The following PRKCH variants were observed in gnomAD, a reference collection of about 807,000 sequenced individuals.
The protein encoded by PRKCH is protein kinase C eta.
Under a neutral mutation model 82.5 loss-of-function variants are expected in PRKCH, and 28 were observed. The ratio of observed to expected loss-of-function variants is 0.34; its 90% CI spans 0.25 to 0.47. PRKCH has a LOEUF of 0.47. Among genes scored for constraint, PRKCH ranks in the 20% least tolerant of loss-of-function variants. The probability of loss-of-function intolerance (pLI) is 1.00; values close to 1 mark genes in which losing one functional copy is unlikely to be tolerated. For synonymous variants in PRKCH, 322 were observed against 327.4 expected, an observed-to-expected ratio of 0.98 and a Z score of 0.18; for missense variants, 705 against 881.8, an observed-to-expected ratio of 0.80 and a Z score of 2.54.
chr14:61,424,566 G>A lies in PRKCH; in HGVS notation c.428-18545G>A, dbSNP rs183385538. ...TCTGTGGAACTTTGAACTTGAGAGA[G>A]ATGATCTGAAATTGGAACTTATTTA... On this transcript the variant is annotated intron_variant, in intron 2 of 13. Transcript: ENST00000332981. Among the ~76,000 whole-genome samples the A allele has an allele frequency of 2.0e-4, 30 of 152,308 alleles. 1 individual carries two copies. The East Asian group carries it at 4.4e-3, about 23-fold the overall frequency.
chr14:61,234,209 A>T (rs1283829883), intron 1 of PRKCH, among the ~76,000 whole-genome samples: 2 of 152,184 alleles, frequency 1.3e-5, no homozygotes, highest in South Asian at 4.1e-4. Flanking sequence ...GGTCTTTAGA[A>T]ATTTTGACAT....
intron 4 of PRKCH, among the ~76,000 whole-genome samples, chr14:61,447,538 G>T (rs1335641135): frequency 6.6e-6 from 1 of 152,040 alleles, no homozygotes; most frequent in Non-Finnish European, 1.5e-5. Flanking sequence ...ACCACATTCT[G>T]GGCCATAAAA....
intron 1 of PRKCH, among the ~76,000 whole-genome samples, chr14:61,356,738 G>A (rs2046155706): frequency 3.9e-5 from 6 of 152,162 alleles, no homozygotes; most frequent in Admixed American, 3.9e-4. Flanking sequence ...CTGGAGTGTG[G>A]TGGCATGATC....
chr14:61,339,194 GC>G (rs1184994506), intron 1 of PRKCH, among the ~76,000 whole-genome samples: 2 of 151,894 alleles, frequency 1.3e-5, no homozygotes, highest in Non-Finnish European at 1.5e-5. Flanking sequence ...CTTGGGATGA[GC>G]TGGCCTCCTG....
At chr14:61,355,128 T>C (rs2046131642) in intron 1 of PRKCH, among the ~76,000 whole-genome samples, 1 of 152,210 alleles carries the variant, frequency 6.6e-6, no homozygotes, top group African/African-American at 2.4e-5. Context: ...TCCTTTACAG[T>C]GAATCCCTTG....
intron 1 of PRKCH, chr14:61,306,157 G>A (rs1043711971): frequency 1.3e-5 from 2 of 152,208 alleles, no homozygotes; most frequent in African/African-American, 4.8e-5. Context: ...TCAATTGAAT[G>A]GATGAGGTGC....
intron 10 of PRKCH, among the ~76,000 whole-genome samples, chr14:61,523,933 G>C (rs2042935419): frequency 6.6e-6 from 1 of 152,264 alleles, no homozygotes; most frequent in South Asian, 2.1e-4. Flanking sequence ...GAGGGAGCAT[G>C]TTTGGACGTG....
intron 1 of PRKCH, among the ~76,000 whole-genome samples, chr14:61,275,069 C>T (rs1224968812): frequency 6.6e-6 from 1 of 152,122 alleles, no homozygotes; most frequent in East Asian, 1.9e-4. Flanking sequence ...TGTTTCCTTT[C>T]CCATTTTGGA....
intron 10 of PRKCH, among the ~76,000 whole-genome samples, chr14:61,505,804 A>G (rs1887123783): frequency 6.6e-6 from 1 of 152,098 alleles, no homozygotes. Flanking sequence ...AATTTTGGGG[A>G]TACATAAACA....
intron 1 of PRKCH, among the ~76,000 whole-genome samples, chr14:61,262,162 A>G (rs1290472870): frequency 6.7e-6 from 1 of 148,408 alleles, no homozygotes; most frequent in Non-Finnish European, 1.5e-5. Context: ...TGGAGGTTGC[A>G]GTGAGCCAAG....
intron 2 of PRKCH, among the ~76,000 whole-genome samples, chr14:61,405,078 A>G (rs1344332251): frequency 1.3e-5 from 2 of 152,178 alleles, no homozygotes; most frequent in Non-Finnish European, 2.9e-5. Context: ...TCTATTTATG[A>G]CTTGATGTAT....
At chr14:61,219,015 G>A (rs958648943) in intron 1 of PRKCH, among the ~76,000 whole-genome samples, 2 of 152,222 alleles carry the variant, frequency 1.3e-5, no homozygotes, top group African/African-American at 4.8e-5. Context: ...AGGGGCAATG[G>A]GAGGCTTCCT....
chr14:61,428,633 G>A (rs1234736303), intron 2 of PRKCH, among the ~76,000 whole-genome samples: 1 of 152,118 alleles, frequency 6.6e-6, no homozygotes, highest in Non-Finnish European at 1.5e-5. Context: ...GTGGTTTGTT[G>A]TAGGACCTTA....
chr14:61,425,368 G>A (rs540301778), intron 2 of PRKCH, among the ~76,000 whole-genome samples: 48 of 152,350 alleles, frequency 3.2e-4, no homozygotes, highest in African/African-American at 1.1e-3. Flanking sequence ...GGCTATGGGA[G>A]CCCACCCCTT....
intron 1 of PRKCH, among the ~76,000 whole-genome samples, chr14:61,383,746 G>A (rs918877765): frequency 9.2e-5 from 14 of 152,086 alleles, no homozygotes; most frequent in African/African-American, 3.1e-4. Flanking sequence ...AGAGAACACG[G>A]CATGAGCAAA....
At chr14:61,305,665 T>C (rs903771885) in intron 1 of PRKCH, 11 of 152,230 alleles carry the variant, frequency 7.2e-5, no homozygotes, top group African/African-American at 2.4e-4. Flanking sequence ...TTCAGATATT[T>C]GCTTTTTATT....
At chr14:61,247,458 A>C (rs1255051571) in intron 1 of PRKCH, among the ~76,000 whole-genome samples, 1 of 152,144 alleles carries the variant, frequency 6.6e-6, no homozygotes, top group African/African-American at 2.4e-5. Context: ...AAAGTTGGCC[A>C]GGCATGGTGG....
At chr14:61,391,189 C>T (rs772764260) in intron 1 of PRKCH, 36 bp from the exon 2 acceptor site, 33 of 1,557,096 alleles carry the variant, frequency 2.1e-5, no homozygotes, top group Non-Finnish European at 1.9e-5. Flanking sequence ...TATTTTAAAA[C>T]TAACATATAA....
At chr14:61,360,069 C>T (rs999985092) in intron 1 of PRKCH, among the ~76,000 whole-genome samples, 1 of 152,144 alleles carries the variant, frequency 6.6e-6, no homozygotes, top group Non-Finnish European at 1.5e-5. Context: ...TTAGAGCATG[C>T]CTGTATCTTT....
Sources: allele counts gnomAD v4.1 joint callset (sites outside exome capture counted in the v4.1 genomes callset), GRCh38; gene constraint gnomAD v4.1.1; transcripts MANE v1.5; gene names NCBI Gene and HGNC (gene_info 2026-07-23, HGNC 2026-07-21).